Variants in SYNE1 observed in about 807,000 individuals in gnomAD.
SYNE1 encodes the protein nesprin-1.
Under a neutral mutation model 1,111.0 loss-of-function variants are expected in SYNE1, and 616 were observed. That is an observed-to-expected ratio of 0.55 (90% CI 0.52 to 0.59). The LOEUF is 0.59. SYNE1 is among the 20% of genes least tolerant of loss of function. The pLI is 0.00. For synonymous variants in SYNE1, 3,855 were observed against 3,825.8 expected (o/e 1.01, Z -0.28); for missense variants, 10,006 against 10,417.0 (o/e 0.96, Z 1.72).
chr6:152,126,246 C>T (rs1585448697), intron 145 of SYNE1: 3 of 152,150 alleles, frequency 2.0e-5, no homozygotes, highest in African/African-American at 7.2e-5. Flanking sequence ...AATGCCTGTC[C>T]CCTTGGGGTA....
At chr6:152,251,013 G>A (rs1286134498) in intron 104 of SYNE1, among the ~76,000 whole-genome samples, 1 of 152,078 alleles carries the variant, frequency 6.6e-6, no homozygotes, top group Non-Finnish European at 1.5e-5. Context: ...GCGGTGGCGC[G>A]ATCTCGGCTC....
At chr6:152,573,023 G>A (rs567344275) in intron 3 of SYNE1, among the ~76,000 whole-genome samples, 1 of 151,980 alleles carries the variant, frequency 6.6e-6, no homozygotes, top group East Asian at 1.9e-4. Flanking sequence ...TCAACTGCTC[G>A]AATTAGATAA....
At chr6:152,610,408 C>A (rs939594377) in intron 3 of SYNE1, among the ~76,000 whole-genome samples, 9 of 151,738 alleles carry the variant, frequency 5.9e-5, no homozygotes, top group Non-Finnish European at 8.8e-5. Context: ...AATTGAAGAT[C>A]AAATTAATGA....
chr6:152,224,781 T>A lies in SYNE1; in HGVS notation c.21352-117A>T, dbSNP rs529284046. 2.3e-4 allele frequency: 242 copies of A among 1,073,246 alleles called. No homozygotes were observed. In the South Asian group the frequency reaches 2.9e-3, roughly 13 times the overall value. 66.5% of individuals were successfully genotyped at this position (1,073,246 alleles called of 1,614,324 possible). ...AACTTCATCAGGGTTTCAGGTATCA[T>A]AAACAAACAAAACTAAAAAGAAAAA... On this transcript the variant is annotated intron_variant, in intron 116 of 145. Transcript: ENST00000367255.
At chr6:152,502,815 C>G (rs1479126977) in intron 9 of SYNE1, 73 bp from the exon 10 acceptor site, 1 of 1,134,100 alleles carries the variant, frequency 8.8e-7, no homozygotes, top group African/African-American at 1.5e-5. Flanking sequence ...AGTTTGGTAT[C>G]TAGCTATCAC....
chr6:152,549,953 A>C (rs2099331544), intron 3 of SYNE1, among the ~76,000 whole-genome samples: 1 of 152,174 alleles, frequency 6.6e-6, no homozygotes, highest in African/African-American at 2.4e-5. Context: ...AAAGGAATAT[A>C]ATTATCTCCG....
intron 4 of SYNE1, among the ~76,000 whole-genome samples, chr6:152,536,231 A>T (rs1216912839): frequency 6.7e-6 from 1 of 150,104 alleles, no homozygotes; most frequent in Non-Finnish European, 1.5e-5. Flanking sequence ...CCTCTCTACA[A>T]GCTCTTGATC....
In SYNE1 at chr6:152,344,164, A is replaced by G. The variant is rs377526133; in HGVS notation, c.12142T>C (p.Cys4048Arg). 6.2e-7 allele frequency: 1 copy of G among 1,614,240 alleles called. No individual in the cohort carries two copies. Among genetic ancestry groups the G allele is most frequent in the East Asian group, 2.2e-5 (1 of 44,886 alleles). The change falls in exon 74 of 146, where the codon TGC becomes CGC. Residue 4048 changes from cysteine (C) to arginine (R), a missense_variant. Coordinates refer to ENST00000367255, the MANE Select transcript of SYNE1 (RefSeq NM_182961.4). Reference protein sequence around the residue: ...HVSRQDTLQQCQAWLSAVQPD... With the variant: ...HVSRQDTLQQRQAWLSAVQPD... ...TGGACTGCAGAAAGCCAGGCCTGGCACTGCTGCAGGGTGTCTTGTCGGCTG... is the reference window on the plus strand; with the variant it reads ...TGGACTGCAGAAAGCCAGGCCTGGCGCTGCTGCAGGGTGTCTTGTCGGCTG...
Position 152,350,040 on chromosome 6 carries a change from G to A in SYNE1, c.11901+128C>T, listed in dbSNP as rs4870099. 116,328 of 1,227,530 alleles carry A rather than the reference G, an allele frequency of 0.095. 6,323 individuals carry two copies. The highest frequency in any genetic ancestry group is 0.18 in the East Asian group (7,468 of 41,054). 76.0% of individuals were successfully genotyped at this position (1,227,530 alleles called of 1,614,324 possible). A position where few individuals can be genotyped will look rare whatever the true frequency, so the allele number is the denominator to read the frequency against. On this transcript the variant is annotated intron_variant, in intron 72 of 145. Transcript: ENST00000367255. ...GACTAATACAGACCTGATTCTCTCAGTACAATCATTATAAACCAGAGATGC... is the reference window on the plus strand; with the variant it reads ...GACTAATACAGACCTGATTCTCTCAATACAATCATTATAAACCAGAGATGC...
chr6:152,371,615 A>G (rs1563456365), intron 59 of SYNE1, among the ~76,000 whole-genome samples: 1 of 75,366 alleles, frequency 1.3e-5, no homozygotes, highest in Non-Finnish European at 2.6e-5. Flanking sequence ...GGGGAAAGGG[A>G]GGGGAGGAGA....
chr6:152,628,394 C>T lies in SYNE1; in HGVS notation c.-63G>A. 4.0e-6 allele frequency: 6 copies of T among 1,508,706 alleles called. No homozygotes were observed. Among genetic ancestry groups the T allele is most frequent in the Middle Eastern group, 3.4e-4 (2 of 5,856 alleles). 93.5% of individuals were successfully genotyped at this position (1,508,706 alleles called of 1,614,324 possible). ...CTTCACTGGAGGCAGCACAGGGCTA[C>T]ACCACTCTAGAAAACATGCTTGGAC... On this transcript the variant is annotated 5_prime_UTR_variant, in exon 3 of 146. Transcript: ENST00000367255.
chr6:152,553,150 A>G (rs2099353463), intron 3 of SYNE1, among the ~76,000 whole-genome samples: 1 of 152,176 alleles, frequency 6.6e-6, no homozygotes, highest in South Asian at 2.1e-4. Flanking sequence ...TTTTACATGT[A>G]AAGAGACTGG....
In SYNE1 at chr6:152,427,343, G is replaced by A. The variant is rs138535587; in HGVS notation, c.5100+350C>T. Among the ~76,000 whole-genome samples the A allele has an allele frequency of 7.6e-4, 115 of 152,194 alleles. 1 individual carries two copies. The highest frequency in any genetic ancestry group is 1.2e-3 in the Admixed American group (19 of 15,288). ...AGTAGAGAGATTATACCTATTTCCA[G>A]CCTCAGAAATTATGAACTGATAGCC... On this transcript the variant is annotated intron_variant, in intron 38 of 145. Transcript: ENST00000367255.
intron 3 of SYNE1, among the ~76,000 whole-genome samples, chr6:152,561,608 G>A (rs760728075): frequency 5.9e-5 from 9 of 152,022 alleles, no homozygotes; most frequent in East Asian, 1.9e-4. Context: ...CAAAGACCAT[G>A]AAGCAATTTT....
chr6:152,320,534 A>G (rs1375051594), intron 84 of SYNE1, among the ~76,000 whole-genome samples: 4 of 152,200 alleles, frequency 2.6e-5, no homozygotes, highest in Admixed American at 6.5e-5. Flanking sequence ...AAAATCTATT[A>G]TATTTCCATA....
At chr6:152,485,674 C>A (rs991501203) in intron 12 of SYNE1, among the ~76,000 whole-genome samples, 1 of 151,984 alleles carries the variant, frequency 6.6e-6, no homozygotes, top group African/African-American at 2.4e-5. Flanking sequence ...TTAACCCATC[C>A]TAAAATATGA....
At chr6:152,463,102 C>T (rs1375437400) in intron 19 of SYNE1, among the ~76,000 whole-genome samples, 10 of 152,028 alleles carry the variant, frequency 6.6e-5, no homozygotes, top group Admixed American at 6.6e-5. Context: ...TGATTTGAAA[C>T]GAGAATCATT....
At chr6:152,457,137 T>C (rs1224352620) in intron 22 of SYNE1, among the ~76,000 whole-genome samples, 1 of 152,170 alleles carries the variant, frequency 6.6e-6, no homozygotes, top group East Asian at 1.9e-4. Flanking sequence ...TTTGGTGGTA[T>C]AATCATTGTG....
At chr6:152,253,817 G>GT (rs1491115589) in intron 104 of SYNE1, among the ~76,000 whole-genome samples, 2,768 of 59,136 alleles carry the variant, frequency 0.047, 1,093 homozygotes, top group East Asian at 0.073. Flanking sequence ...GTAGTGGTTT[G>GT]GTTTTTTTTT....
Sources: gnomAD v4.1 joint callset for allele counts (sites outside exome capture counted in the v4.1 genomes callset) on GRCh38, gnomAD v4.1.1 for gene constraint, MANE v1.5 for transcripts, NCBI Gene and HGNC (gene_info 2026-07-23, HGNC 2026-07-21) for gene names.